Variants in TENM1 observed in about 807,000 individuals in gnomAD.
TENM1 encodes the protein teneurin-1.
TENM1 carries 35 observed loss-of-function variants against 174.8 expected under a neutral mutation model. The ratio of observed to expected loss-of-function variants is 0.20; its 90% CI spans 0.15 to 0.27. The LOEUF (loss-of-function observed/expected upper bound fraction) is 0.27, where lower values mean the gene tolerates loss of function less well. TENM1 is among the 10% of genes least tolerant of loss of function. TENM1 has a pLI of 1.00. For synonymous variants in TENM1, 781 were observed against 798.7 expected (o/e 0.98, Z 0.37); for missense variants, 1,633 against 2,130.1 (o/e 0.77, Z 4.59).
intron 22 of TENM1, among the ~76,000 whole-genome samples, chrX:124,462,430 G>GT (rs1487197847): frequency 1.2e-5 from 1 of 86,281 alleles, no homozygotes; most frequent in Admixed American, 1.2e-4. Context: ...GTGTGTGTGT[G>GT]TGGGGGGGGT....
the TENM1 span, among the ~76,000 whole-genome samples, chrX:125,121,104 G>C: frequency 2.3e-4 from 26 of 111,758 alleles, no homozygotes; most frequent in African/African-American, 8.1e-4. Flanking sequence ...GCAAAGAATG[G>C]AATAGGGTAC....
At chrX:124,410,675 GA>G (rs1222662578) in intron 25 of TENM1, among the ~76,000 whole-genome samples, 3 of 111,598 alleles carry the variant, frequency 2.7e-5, no homozygotes, top group African/African-American at 9.8e-5. Context: ...AAATTTACAA[GA>G]AAAAAACAAC....
Position 124,886,650 on chromosome X carries a change from C to T in TENM1, c.535+7646G>A, listed in dbSNP as rs769947088. Among the ~76,000 whole-genome samples, 17 of 102,928 alleles carry T rather than the reference C, an allele frequency of 1.7e-4. No individual in the cohort carries two copies. The South Asian group carries it at 7.1e-3, about 43-fold the overall frequency. The allele number at this position is 102,928 out of a possible 115,157, so 89.4% of individuals were successfully genotyped here. On this transcript the variant is annotated intron_variant, in intron 3 of 31. Transcript: ENST00000422452. Reference sequence around the variant, plus strand: ...AAATGTAAATCTTATCATATACACACACACACAACACACACACAATGCACC... The same window carrying T: ...AAATGTAAATCTTATCATATACACATACACACAACACACACACAATGCACC...
the TENM1 span, among the ~76,000 whole-genome samples, chrX:125,001,152 T>G: frequency 3.6e-5 from 4 of 110,819 alleles, no homozygotes; most frequent in African/African-American, 1.3e-4. Flanking sequence ...GATAAGTTTA[T>G]GAAATAAGAG....
the TENM1 span, among the ~76,000 whole-genome samples, chrX:125,080,717 C>A: frequency 1.8e-5 from 2 of 110,570 alleles, no homozygotes; most frequent in Non-Finnish European, 3.8e-5. Context: ...ACCTGTGACT[C>A]CAGAATTTCT....
intron 5 of TENM1, among the ~76,000 whole-genome samples, chrX:124,687,489 T>G (rs961450780): frequency 4.5e-5 from 5 of 111,507 alleles, no homozygotes; most frequent in Non-Finnish European, 9.4e-5. Context: ...AAAAGAAAAT[T>G]TAGGCAATAC....
intron 1 of TENM1, among the ~76,000 whole-genome samples, chrX:124,899,377 G>C (rs2057618265): frequency 9.0e-6 from 1 of 110,939 alleles, no homozygotes; most frequent in Non-Finnish European, 1.9e-5. Context: ...ATTTTTTATA[G>C]AGATAGGGTT....
chrX:125,169,923 T>G, the TENM1 span, among the ~76,000 whole-genome samples: 1 of 111,372 alleles, frequency 9.0e-6, no homozygotes, highest in Non-Finnish European at 1.9e-5. Flanking sequence ...TCATTTCAGT[T>G]GCAAAACCTA....
intron 1 of TENM1, among the ~76,000 whole-genome samples, chrX:124,937,096 C>T (rs900555564): frequency 2.7e-5 from 3 of 109,464 alleles, no homozygotes; most frequent in Non-Finnish European, 3.8e-5. Context: ...CACTTATCCA[C>T]GATCTTTCAG....
the TENM1 span, among the ~76,000 whole-genome samples, chrX:125,046,423 T>C: frequency 8.9e-6 from 1 of 112,323 alleles, no homozygotes; most frequent in Non-Finnish European, 1.9e-5. Context: ...CTATGTCTTC[T>C]TTGTCAATGG....
chrX:125,005,193 C>T, the TENM1 span, among the ~76,000 whole-genome samples: 112 of 45,564 alleles, frequency 2.5e-3, no homozygotes, highest in Non-Finnish European at 4.1e-3. Context: ...TATACATACA[C>T]ACACACACAC....
the TENM1 span, among the ~76,000 whole-genome samples, chrX:125,008,879 C>T: frequency 1.8e-5 from 2 of 111,185 alleles, no homozygotes; most frequent in South Asian, 3.8e-4. Flanking sequence ...ACACAGCTAA[C>T]GCAGTGTTAA....
chrX:124,471,791 A>G (rs1230730971), intron 22 of TENM1, among the ~76,000 whole-genome samples: 1 of 97,901 alleles, frequency 1.0e-5, no homozygotes, highest in Non-Finnish European at 2.0e-5. Flanking sequence ...AGTAATATAT[A>G]ATATATAATA....
At chrX:125,153,108 A>G in the TENM1 span, among the ~76,000 whole-genome samples, 2 of 112,243 alleles carry the variant, frequency 1.8e-5, no homozygotes, top group African/African-American at 3.2e-5. Context: ...TTCTCTTTCA[A>G]TGTAGAAAAG....
At chrX:124,411,354 T>C (rs1027735431) in intron 25 of TENM1, among the ~76,000 whole-genome samples, 70 of 110,914 alleles carry the variant, frequency 6.3e-4, no homozygotes, top group African/African-American at 2.0e-3. Context: ...TGTGTGTGTG[T>C]GCACGCACGT....
At chrX:124,420,054 T>C (rs2060633987) in intron 25 of TENM1, among the ~76,000 whole-genome samples, 1 of 112,207 alleles carries the variant, frequency 8.9e-6, no homozygotes, top group African/African-American at 3.2e-5. Flanking sequence ...ACCTCATTCC[T>C]GTCTCCTGCA....
At chrX:124,796,037 C>A (rs767335568) in intron 3 of TENM1, among the ~76,000 whole-genome samples, 106 of 111,350 alleles carry the variant, frequency 9.5e-4, no homozygotes, top group Admixed American at 1.7e-3. Context: ...CTCTCAAGGG[C>A]TGAGATAGTC....
intron 3 of TENM1, among the ~76,000 whole-genome samples, chrX:124,748,810 G>T (rs73547615): frequency 0.034 from 3,834 of 111,857 alleles, 167 homozygotes; most frequent in African/African-American, 0.12. Flanking sequence ...ACCTTTTCAA[G>T]CCTTTGTTTC....
At chrX:125,062,227 T>C in the TENM1 span, among the ~76,000 whole-genome samples, 2 of 112,056 alleles carry the variant, frequency 1.8e-5, no homozygotes, top group African/African-American at 3.3e-5. Context: ...TTAGCTATTA[T>C]AACACTTTTG....
Sources: allele counts gnomAD v4.1 joint callset (sites outside exome capture counted in the v4.1 genomes callset), GRCh38; gene constraint gnomAD v4.1.1; transcripts MANE v1.5; gene names NCBI Gene and HGNC (gene_info 2026-07-23, HGNC 2026-07-21).